The following ZFPM2 variants were observed in gnomAD, a reference collection of about 807,000 sequenced individuals.
The protein encoded by ZFPM2 is zinc finger protein ZFPM2.
ZFPM2 carries 20 observed loss-of-function variants against 98.6 expected under a neutral mutation model. The ratio of observed to expected loss-of-function variants is 0.20; its 90% CI spans 0.14 to 0.29. The LOEUF (loss-of-function observed/expected upper bound fraction) is 0.29. Ranked by LOEUF, ZFPM2 falls within the 10% of genes least tolerant of loss-of-function variation. ZFPM2 has a pLI of 1.00. For missense variants in ZFPM2, 1,310 were observed against 1,388.6 expected (o/e 0.94, Z 0.90); for synonymous variants, 518 against 502.7 (o/e 1.03, Z -0.41).
At chr8:105,703,490 G>T (rs1316836219) in intron 5 of ZFPM2, among the ~76,000 whole-genome samples, 1 of 152,158 alleles carries the variant, frequency 6.6e-6, no homozygotes, top group African/African-American at 2.4e-5. Flanking sequence ...GGTACACAAA[G>T]TAGAAAGTTT....
intron 5 of ZFPM2, among the ~76,000 whole-genome samples, chr8:105,732,486 A>G (rs969711609): frequency 2.6e-5 from 4 of 151,806 alleles, no homozygotes; most frequent in Non-Finnish European, 5.9e-5. Flanking sequence ...AGCTGATAAC[A>G]TTCCACATGC....
At chr8:105,761,637 A>AAG (rs1812736366) in intron 5 of ZFPM2, among the ~76,000 whole-genome samples, 1 of 151,924 alleles carries the variant, frequency 6.6e-6, no homozygotes, top group Non-Finnish European at 1.5e-5. Context: ...CTTTAGACAC[A>AAG]AGATGATTTG....
At chr8:105,501,344 G>T (rs1180691468) in intron 3 of ZFPM2, among the ~76,000 whole-genome samples, 1 of 151,580 alleles carries the variant, frequency 6.6e-6, no homozygotes, top group Non-Finnish European at 1.5e-5. Context: ...CACCACACTT[G>T]GCTAATTTAT....
At chr8:105,602,393 C>T (rs980647449) in intron 4 of ZFPM2, among the ~76,000 whole-genome samples, 1 of 152,018 alleles carries the variant, frequency 6.6e-6, no homozygotes, top group African/African-American at 2.4e-5. Context: ...CTGAGTTTAT[C>T]TCTTTGTCCA....
intron 4 of ZFPM2, among the ~76,000 whole-genome samples, chr8:105,604,549 T>A (rs1816157496): frequency 6.6e-6 from 1 of 152,084 alleles, no homozygotes; most frequent in Non-Finnish European, 1.5e-5. Context: ...CTGGACTTTT[T>A]CTAGCCCCTA....
At chr8:105,793,336 C>CACTT (rs1813684198) in intron 6 of ZFPM2, among the ~76,000 whole-genome samples, 1 of 152,024 alleles carries the variant, frequency 6.6e-6, no homozygotes, top group African/African-American at 2.4e-5. Flanking sequence ...ATTTCTCTTT[C>CACTT]ACTTATGAAG....
At chr8:105,603,401 G>T in intron 4 of ZFPM2, among the ~76,000 whole-genome samples, 1 of 152,044 alleles carries the variant, frequency 6.6e-6, no homozygotes, top group East Asian at 1.9e-4. Context: ...AATGTACAAT[G>T]AAAAATGGTT....
At chr8:105,584,405 C>A (rs1815668857) in intron 4 of ZFPM2, among the ~76,000 whole-genome samples, 1 of 151,980 alleles carries the variant, frequency 6.6e-6, no homozygotes, top group South Asian at 2.1e-4. Context: ...CCTCCTAGTA[C>A]TTCTGAATTT....
chr8:105,513,805 C>G (rs186936834), intron 3 of ZFPM2, among the ~76,000 whole-genome samples: 1 of 152,226 alleles, frequency 6.6e-6, no homozygotes, highest in East Asian at 1.9e-4. Context: ...TGCTAACATT[C>G]TATTTCATTA....
At chr8:105,656,612 G>A (rs573984396) in intron 5 of ZFPM2, among the ~76,000 whole-genome samples, 79 of 152,222 alleles carry the variant, frequency 5.2e-4, no homozygotes, top group East Asian at 3.3e-3. Flanking sequence ...CTGCAAGGCC[G>A]TGACTCTTAA....
At chr8:105,676,720 A>T (rs1810477495) in intron 5 of ZFPM2, among the ~76,000 whole-genome samples, 1 of 152,058 alleles carries the variant, frequency 6.6e-6, no homozygotes, top group Admixed American at 6.6e-5. Context: ...TGGGACAAAG[A>T]GAATAAATTT....
At chr8:105,588,813 A>G (rs573337034) in intron 4 of ZFPM2, among the ~76,000 whole-genome samples, 1 of 152,320 alleles carries the variant, frequency 6.6e-6, no homozygotes, top group South Asian at 2.1e-4. Context: ...GTCTTTTACT[A>G]AATTCTTAGA....
chr8:105,506,931 T>A (rs957975063), intron 3 of ZFPM2, among the ~76,000 whole-genome samples: 16 of 142,118 alleles, frequency 1.1e-4, no homozygotes, highest in African/African-American at 4.3e-4. Flanking sequence ...GAGCTTGCAG[T>A]GAGCCAAGAT....
chr8:105,437,188 G>T (rs545206576), intron 2 of ZFPM2, among the ~76,000 whole-genome samples: 17 of 152,144 alleles, frequency 1.1e-4, no homozygotes. Flanking sequence ...CTCAAAATAG[G>T]TGCAAAATGT....
At chr8:105,678,527 T>C (rs770212684) in intron 5 of ZFPM2, 2 of 152,206 alleles carry the variant, frequency 1.3e-5, no homozygotes, top group African/African-American at 4.8e-5. Flanking sequence ...GAAAGGACCA[T>C]CTGGACACCA....
At chr8:105,463,526 A>G (rs903995048) in intron 3 of ZFPM2, among the ~76,000 whole-genome samples, 1 of 152,048 alleles carries the variant, frequency 6.6e-6, no homozygotes, top group African/African-American at 2.4e-5. Context: ...AAAAACTTGC[A>G]ATTGAAGAAG....
chr8:105,630,680 A>G (rs1287475089), intron 4 of ZFPM2, among the ~76,000 whole-genome samples: 1 of 152,184 alleles, frequency 6.6e-6, no homozygotes, highest in Admixed American at 6.5e-5. Context: ...TTACTTTTAT[A>G]TTTTACTCAT....
intron 5 of ZFPM2, chr8:105,685,031 A>G (rs576547215): frequency 1.3e-5 from 2 of 152,268 alleles, no homozygotes; most frequent in Admixed American, 6.5e-5. Flanking sequence ...TAATTCCAGT[A>G]TTAAACTACT....
chr8:105,692,614 C>G (rs1188252277), intron 5 of ZFPM2, among the ~76,000 whole-genome samples: 4 of 152,154 alleles, frequency 2.6e-5, no homozygotes, highest in African/African-American at 9.7e-5. Flanking sequence ...TTACTTCTGC[C>G]TGTACAAAGC....
Sources: allele counts gnomAD v4.1 joint callset (sites outside exome capture counted in the v4.1 genomes callset), GRCh38; gene constraint gnomAD v4.1.1; transcripts MANE v1.5; gene names NCBI Gene and HGNC (gene_info 2026-07-23, HGNC 2026-07-21).